SHOC1: variants seen among roughly 807,000 people sequenced by gnomAD.
SHOC1 encodes the protein protein shortage in chiasmata 1 ortholog.
SHOC1 carries 136 observed loss-of-function variants against 179.2 expected under a neutral mutation model. The ratio of observed to expected loss-of-function variants is 0.76; its 90% confidence interval spans 0.66 to 0.87. SHOC1 has a LOEUF of 0.87. Among genes scored for constraint, SHOC1 ranks in the 40% least tolerant of loss-of-function variants. The pLI is 0.00. For missense variants in SHOC1, 1,538 were observed against 1,700.8 expected (o/e 0.90, Z 1.68); for synonymous variants, 489 against 586.6 (o/e 0.83, Z 2.41).
chr9:111,703,896 A>G lies in SHOC1; in HGVS notation c.2952T>C (p.Thr984=). 6.3e-7 allele frequency: 1 copy of G among 1,593,310 alleles called. No individual in the cohort carries two copies. Among genetic ancestry groups the G allele is most frequent in the Non-Finnish European group, 8.6e-7 (1 of 1,164,772 alleles). ...CYVVVTIDEH[T]AIILQDLEEL... ...CTAGTTTTACCTGCAAAATTATGGC[A>G]GTGTGTTCATCAATTGTCACCACTA... The change falls in exon 22 of 28, where the codon ACT becomes ACC. Residue 984 remains threonine (T), a synonymous_variant. Transcript: ENST00000682961.
rs776385145 is a variant in SHOC1, at chr9:111,756,379, G to C, written c.808C>G (p.Pro270Ala). ...ACATAGTTTATTATTTCTGGCACTG[G>C]GTTTAATAACTCCTTCAGTTCTGAG... ...SLSELKELLN[P>A]VPEIINYVDE... The change falls in exon 8 of 28, where the codon CCA becomes GCA. Residue 270 changes from proline (P) to alanine (A), a missense_variant. By Grantham distance (27) the Pro-to-Ala change is conservative. Coordinates refer to ENST00000682961, the MANE Select transcript of SHOC1 (RefSeq NM_001378211.1). The C allele has an allele frequency of 2.9e-5, 47 of 1,611,120 alleles. No individual in the cohort carries two copies. In the South Asian group the frequency reaches 5.2e-4, roughly 18 times the overall value.
chr9:111,750,186 CA>C (rs1436012475), intron 8 of SHOC1, among the ~76,000 whole-genome samples: 1 of 152,108 alleles, frequency 6.6e-6, no homozygotes, highest in Non-Finnish European at 1.5e-5. Context: ...ACAACCTTAC[CA>C]ACATCTATTG....
intron 16 of SHOC1, among the ~76,000 whole-genome samples, chr9:111,716,863 C>T (rs1281903511): frequency 6.6e-6 from 1 of 152,170 alleles, no homozygotes; most frequent in Non-Finnish European, 1.5e-5. Context: ...GATACTGGAC[C>T]AGGTTGTCTT....
intron 20 of SHOC1, among the ~76,000 whole-genome samples, chr9:111,706,284 T>A (rs1433057477): frequency 6.6e-6 from 1 of 152,102 alleles, no homozygotes; most frequent in East Asian, 1.9e-4. Context: ...GCTATCAGAT[T>A]AAGATTGGAT....
intron 27 of SHOC1, among the ~76,000 whole-genome samples, chr9:111,690,376 A>G (rs1277079877): frequency 2.0e-5 from 3 of 152,164 alleles, no homozygotes; most frequent in Admixed American, 6.5e-5. Flanking sequence ...CAGTGAACCA[A>G]TCATGCCACT....
At chr9:111,694,476 T>A in intron 24 of SHOC1, 114 bp from the exon 25 acceptor site, 1 of 700,932 alleles carries the variant, frequency 1.4e-6, no homozygotes, top group Non-Finnish European at 2.2e-6. Context: ...TTCTATCTAA[T>A]TTTAGATAGA....
intron 1 of SHOC1, among the ~76,000 whole-genome samples, chr9:111,793,693 T>TTA (rs57818219): frequency 7.6e-6 from 1 of 131,968 alleles, no homozygotes; most frequent in Non-Finnish European, 1.7e-5. Context: ...TTTTTTTTTT[T>TTA]ACCTTTTTCT....
At chr9:111,723,406 A>G (rs146777165) in intron 14 of SHOC1, among the ~76,000 whole-genome samples, 44 of 152,336 alleles carry the variant, frequency 2.9e-4, no homozygotes, top group African/African-American at 9.9e-4. Flanking sequence ...TAACAAAAAA[A>G]TCAATATAGG....
At chr9:111,727,544 GA>G (rs1833351740) in intron 13 of SHOC1, 88 bp downstream of exon 13, 4 of 1,153,076 alleles carry the variant, frequency 3.5e-6, no homozygotes, top group Non-Finnish European at 4.7e-6. Context: ...TTATCTAGAA[GA>G]ACTTTATCTC....
chr9:111,783,567 C>T (rs688916), intron 3 of SHOC1: 93,832 of 152,102 alleles, frequency 0.62, 29,466 homozygotes, highest in East Asian at 0.9. Flanking sequence ...AGACTTTTAA[C>T]TGTTAGAGTG....
intron 12 of SHOC1, chr9:111,738,005 A>G (rs1833882971): frequency 2.4e-6 from 1 of 414,072 alleles, no homozygotes; most frequent in Non-Finnish European, 4.2e-6. Flanking sequence ...AAAGGAAACA[A>G]AGTCACTTTA....
Position 111,758,192 on chromosome 9 carries a change from T to G in SHOC1, c.600A>C (p.Glu200Asp). 6.5e-7 allele frequency: 1 copy of G among 1,537,780 alleles called. No individual in the cohort carries two copies. Among genetic ancestry groups the G allele is most frequent in the Non-Finnish European group, 8.8e-7 (1 of 1,132,280 alleles). The part of the protein sequence containing the change: ...QIFTEANFSR[E>D]CFSLQETLEA... ...CCAAAGTTTCTTGAAGAGAGAAACA[T>G]TCCCTTAAAAAAAAATACATTAATT... Residue 200 changes from glutamate (E) to aspartate (D), a missense_variant, in exon 7 of 28, where the codon GAA becomes GAC. Coordinates refer to ENST00000682961, the MANE Select transcript of SHOC1 (RefSeq NM_001378211.1).
At chr9:111,731,342 T>C (rs1265671053) in intron 12 of SHOC1, among the ~76,000 whole-genome samples, 3 of 152,192 alleles carry the variant, frequency 2.0e-5, no homozygotes, top group Admixed American at 6.5e-5. Context: ...AACATACCAT[T>C]CTCATTTAAT....
intron 15 of SHOC1, 28 bp from the exon 16 acceptor site, chr9:111,718,316 CAT>C (rs780003387): frequency 7.6e-6 from 11 of 1,449,392 alleles, no homozygotes; most frequent in Non-Finnish European, 9.5e-6. Flanking sequence ...TATTTTAAAA[CAT>C]AGACTATACA....
intron 9 of SHOC1, among the ~76,000 whole-genome samples, chr9:111,747,415 AT>A (rs1468604417): frequency 2.0e-5 from 3 of 152,184 alleles, no homozygotes; most frequent in Non-Finnish European, 4.4e-5. Flanking sequence ...AAAAATTCAA[AT>A]TTAAAAAAAA....
intron 8 of SHOC1, among the ~76,000 whole-genome samples, chr9:111,754,097 T>C (rs1834740436): frequency 6.6e-6 from 1 of 152,202 alleles, no homozygotes; most frequent in South Asian, 2.1e-4. Flanking sequence ...ATTAGCTTTT[T>C]TATGGTAAAT....
intron 8 of SHOC1, among the ~76,000 whole-genome samples, chr9:111,754,468 G>A (rs999889079): frequency 6.6e-6 from 1 of 152,150 alleles, no homozygotes; most frequent in Non-Finnish European, 1.5e-5. Context: ...AACAAGTTTT[G>A]GAGAGGATGT....
chr9:111,757,248 G>A (rs1834907164), intron 7 of SHOC1, among the ~76,000 whole-genome samples: 1 of 151,980 alleles, frequency 6.6e-6, no homozygotes, highest in African/African-American at 2.4e-5. Flanking sequence ...GACTACAGGC[G>A]CCCACCACTA....
At position 111,742,554 on chromosome 9, in the gene SHOC1, G is replaced by A. The variant is rs1255240854; in HGVS notation, c.1080-984C>T. ...ATTACAGCTCATCTGTAGCTATGAT[G>A]CTACTAGCCTTCGTAGGGGAAAGAC... On this transcript the variant is annotated intron_variant, in intron 10 of 27. Coordinates refer to ENST00000682961, the MANE Select transcript of SHOC1 (RefSeq NM_001378211.1). Among the ~76,000 whole-genome samples, 3 of 152,130 alleles carry A rather than the reference G, an allele frequency of 2.0e-5. No individual in the cohort carries two copies. In the East Asian group the frequency reaches 5.8e-4, roughly 29 times the overall value.
Sources: allele counts gnomAD v4.1 joint callset (sites outside exome capture counted in the v4.1 genomes callset), GRCh38; gene constraint gnomAD v4.1.1; transcripts MANE v1.5; gene names NCBI Gene and HGNC (gene_info 2026-07-23, HGNC 2026-07-21).